TLK1: variants seen among roughly 807,000 people sequenced by gnomAD.
TLK1 encodes tousled like kinase 1, also known as serine/threonine-protein kinase tousled-like 1.
A neutral mutation model predicts 105.3 loss-of-function variants in TLK1; 24 were observed. That is an observed-to-expected ratio of 0.23 (90% CI 0.17 to 0.32). TLK1 has a LOEUF of 0.32. Ranked by LOEUF, TLK1 falls within the 10% of genes least tolerant of loss-of-function variation. TLK1 has a pLI of 1.00. For missense variants in TLK1, 558 were observed against 910.5 expected (o/e 0.61, Z 4.98); for synonymous variants, 321 against 310.4 (o/e 1.03, Z -0.36).
chr2:171,030,794 C>G (rs1686004247), intron 11 of TLK1, among the ~76,000 whole-genome samples: 5 of 151,968 alleles, frequency 3.3e-5, no homozygotes, highest in Admixed American at 3.3e-4. Flanking sequence ...TACTGAATTA[C>G]AAAACAGCTA....
intron 2 of TLK1, among the ~76,000 whole-genome samples, chr2:171,103,239 G>A (rs1388511378): frequency 7.2e-6 from 1 of 138,856 alleles, no homozygotes; most frequent in African/African-American, 3.0e-5. Context: ...AAGGTTCTGA[G>A]TTAAGAAAAA....
chr2:171,092,328 G>A (rs1689271827), intron 2 of TLK1, among the ~76,000 whole-genome samples: 1 of 152,168 alleles, frequency 6.6e-6, no homozygotes. Context: ...GTCCATCAAT[G>A]ACATTCACTT....
chr2:171,008,780 T>A (rs1684763620), intron 14 of TLK1, among the ~76,000 whole-genome samples: 1 of 152,192 alleles, frequency 6.6e-6, no homozygotes, highest in Non-Finnish European at 1.5e-5. Flanking sequence ...AAAGTTCAAG[T>A]CACTGGGCCC....
intron 1 of TLK1, among the ~76,000 whole-genome samples, chr2:171,159,330 C>A (rs553038989): frequency 6.6e-6 from 1 of 152,188 alleles, no homozygotes; most frequent in Non-Finnish European, 1.5e-5. Flanking sequence ...CACATTTATT[C>A]ATTCCCCATA....
intron 1 of TLK1, among the ~76,000 whole-genome samples, chr2:171,151,233 G>A (rs1692020960): frequency 6.6e-6 from 1 of 151,870 alleles, no homozygotes; most frequent in Non-Finnish European, 1.5e-5. Context: ...TGTCCAGGCT[G>A]GTCTCGAACT....
chr2:171,222,857 C>T (rs1693833500), intron 1 of TLK1, among the ~76,000 whole-genome samples: 1 of 152,008 alleles, frequency 6.6e-6, no homozygotes, highest in South Asian at 2.1e-4. Context: ...CTCTGTCGCC[C>T]AGGCTGGAGT....
rs71401407 is a variant in TLK1, at chr2:171,145,589, C to CAA, written c.139+14699_139+14700dup. Among the ~76,000 whole-genome samples, 211 of 116,100 alleles carry CAA rather than the reference C, an allele frequency of 1.8e-3. 2 individuals carry two copies. The highest frequency in any genetic ancestry group is 4.9e-3 in the South Asian group (17 of 3,496). The allele number at this position is 116,100 out of a possible 152,430, so 76.2% of individuals were successfully genotyped here. A position where few individuals can be genotyped will look rare whatever the true frequency, so the allele number is the denominator to read the frequency against. On this transcript the variant is annotated intron_variant, in intron 1 of 20. Transcript: ENST00000431350. ...TGGGCAACAGGGTGAGACTCTGTCT[C>CAA]AAAAAAAAAAAAACAAAAAACAAAT...
At chr2:171,034,156 T>G (rs748289481) in intron 11 of TLK1, among the ~76,000 whole-genome samples, 1 of 152,136 alleles carries the variant, frequency 6.6e-6, no homozygotes, top group Non-Finnish European at 1.5e-5. Flanking sequence ...TAGGGATAAT[T>G]GTCATGCTGA....
chr2:171,103,281 T>TATATATATATAA (rs1018211660), intron 2 of TLK1, among the ~76,000 whole-genome samples: 3 of 150,142 alleles, frequency 2.0e-5, no homozygotes, highest in African/African-American at 7.5e-5. Flanking sequence ...TATATATATA[T>TATATATATATAA]AATTTTTTTT....
chr2:171,085,656 A>G (rs1006668892), intron 2 of TLK1, among the ~76,000 whole-genome samples: 13 of 152,222 alleles, frequency 8.5e-5, no homozygotes, highest in Non-Finnish European at 1.9e-4. Context: ...CATGGAAAGC[A>G]TAGATAAACG....
chr2:171,064,662 A>G (rs1490386055), intron 3 of TLK1, among the ~76,000 whole-genome samples: 1 of 151,154 alleles, frequency 6.6e-6, no homozygotes, highest in African/African-American at 2.5e-5. Context: ...GTAAAGATGA[A>G]AAGTATTCAG....
At chr2:171,174,067 C>A (rs1280551809) in intron 1 of TLK1, among the ~76,000 whole-genome samples, 1 of 152,080 alleles carries the variant, frequency 6.6e-6, no homozygotes, top group Non-Finnish European at 1.5e-5. Flanking sequence ...ATTATTTTTC[C>A]TCCTGGATTA....
intron 1 of TLK1, among the ~76,000 whole-genome samples, chr2:171,187,011 T>C (rs1254509653): frequency 8.3e-6 from 1 of 120,668 alleles, no homozygotes; most frequent in African/African-American, 3.2e-5. Context: ...TGAGCCGAGA[T>C]CATGCCATTG....
chr2:171,002,691 G>C (rs1376711407), intron 18 of TLK1, among the ~76,000 whole-genome samples: 1 of 152,072 alleles, frequency 6.6e-6, no homozygotes, highest in Non-Finnish European at 1.5e-5. Flanking sequence ...GAAGTGCTGT[G>C]GTGCAATCTG....
chr2:171,027,886 G>T (rs1685851380), intron 12 of TLK1, among the ~76,000 whole-genome samples: 1 of 152,276 alleles, frequency 6.6e-6, no homozygotes, highest in East Asian at 1.9e-4. Flanking sequence ...ATTTTGGCCG[G>T]GTGCGACAGC....
chr2:171,030,874 G>A (rs996983867), intron 11 of TLK1, among the ~76,000 whole-genome samples: 9 of 152,082 alleles, frequency 5.9e-5, no homozygotes, highest in Admixed American at 1.3e-4. Flanking sequence ...CCTACCAAGA[G>A]GTTTGGCTAT....
At chr2:171,125,615 C>G (rs1690837735) in intron 1 of TLK1, among the ~76,000 whole-genome samples, 1 of 152,164 alleles carries the variant, frequency 6.6e-6, no homozygotes, top group South Asian at 2.1e-4. Context: ...CAGTTTCTGT[C>G]AAAACTCCTC....
chr2:171,075,970 C>A (rs1479888490), intron 3 of TLK1, among the ~76,000 whole-genome samples: 1 of 152,132 alleles, frequency 6.6e-6, no homozygotes, highest in Admixed American at 6.5e-5. Flanking sequence ...GTAATCCCAG[C>A]ACTTTGGGAG....
At chr2:171,103,604 G>T (rs1210442353) in intron 2 of TLK1, among the ~76,000 whole-genome samples, 1 of 152,052 alleles carries the variant, frequency 6.6e-6, no homozygotes, top group African/African-American at 2.4e-5. Context: ...TTTCTTTCCA[G>T]ATATTTCCAA....
Sources: allele counts gnomAD v4.1 joint callset (sites outside exome capture counted in the v4.1 genomes callset), GRCh38; gene constraint gnomAD v4.1.1; transcripts MANE v1.5; gene names NCBI Gene and HGNC (gene_info 2026-07-23, HGNC 2026-07-21).